KANSL2: variants seen among roughly 807,000 people sequenced by gnomAD.
KANSL2 encodes KAT8 regulatory NSL complex subunit 2.
A neutral mutation model predicts 55.6 loss-of-function variants in KANSL2; 34 were observed. That is an observed-to-expected ratio of 0.61 (90% CI 0.46 to 0.81). The LOEUF is 0.81. Ranked by LOEUF, KANSL2 falls within the 40% of genes least tolerant of loss-of-function variation. The pLI is 0.00. For synonymous variants in KANSL2, 209 were observed against 214.3 expected, an observed-to-expected ratio of 0.98 and a Z score of 0.22; for missense variants, 502 against 609.9, an observed-to-expected ratio of 0.82 and a Z score of 1.86.
Position 48,654,928 on chromosome 12 carries a change from GTTC to G in KANSL2, c.1347+10_1347+12del. On this transcript the variant is annotated intron_variant, in intron 9 of 9. Coordinates refer to ENST00000420613, the MANE Select transcript of KANSL2 (RefSeq NM_017822.4). ...CTACATGAGGGAAACAGGTGGGACT[GTTC>G]TTCACTTGCCAAAATATCCACTGGG... 6.4e-7 allele frequency: 1 copy of G among 1,556,800 alleles called. No homozygotes were observed. Among genetic ancestry groups the G allele is most frequent in the Non-Finnish European group, 8.7e-7 (1 of 1,149,750 alleles).
intron 8 of KANSL2, among the ~76,000 whole-genome samples, chr12:48,656,306 C>T (rs1939380304): frequency 1.3e-5 from 2 of 150,040 alleles, no homozygotes; most frequent in African/African-American, 4.9e-5. Context: ...CAGAGTCTCG[C>T]TCTGTCGCCC....
chr12:48,673,426 GGT>G (rs1198999557), intron 4 of KANSL2, among the ~76,000 whole-genome samples: 3 of 151,970 alleles, frequency 2.0e-5, no homozygotes, highest in Non-Finnish European at 4.4e-5. Flanking sequence ...CAGGTATGGT[GGT>G]GGGCGCCTAT....
chr12:48,682,078 G>A (rs1207397892), intron 1 of KANSL2, 109 bp downstream of exon 1: 1 of 702,916 alleles, frequency 1.4e-6, no homozygotes, highest in Admixed American at 2.0e-5. Context: ...GCAGGAAGGA[G>A]ACTGACTCTG....
rs1939467956 is a variant in KANSL2 at position 48,660,550 on chromosome 12, T to C, written c.1043A>G (p.Lys348Arg). Residue 348 changes from lysine (K) to arginine (R), a missense_variant, in exon 8 of 10, where the codon AAA (lysine) becomes AGA (arginine). Physicochemically the swap from Lys to Arg is conservative, Grantham distance 26 (BLOSUM62 2). Coordinates refer to ENST00000420613, the MANE Select transcript of KANSL2 (RefSeq NM_017822.4). ...CTCAGAGAGGCTTACAGGAACAGGT[T>C]TGTTGCAGGGTACCTCTTCAGATCC... ...CQGSEEVPCN[K>R]PVPVSLSEDP... is the part of the protein sequence containing the mutation. 2 of 1,613,324 alleles carry C rather than the reference T, an allele frequency of 1.2e-6. No homozygotes were observed. The highest frequency in any genetic ancestry group is 1.3e-5 in the African/African-American group (1 of 74,916).
intron 9 of KANSL2, 126 bp downstream of exon 9, chr12:48,654,815 G>A: frequency 2.1e-6 from 2 of 931,348 alleles, no homozygotes; most frequent in Non-Finnish European, 3.2e-6. Context: ...TGAGAGACAT[G>A]TGGAGCATCT....
intron 8 of KANSL2, chr12:48,656,821 C>A (rs767848592): frequency 4.2e-6 from 2 of 470,754 alleles, no homozygotes; most frequent in Non-Finnish European, 8.3e-6. Context: ...AACTAACTTT[C>A]ATGCCACTGC....
chr12:48,655,128 G>A, intron 8 of KANSL2, 68 bp from the exon 9 acceptor site: 1 of 1,496,516 alleles, frequency 6.7e-7, no homozygotes, highest in East Asian at 2.5e-5. Flanking sequence ...ATGTTTTTCA[G>A]CAAACTTTAA....
Position 48,667,730 on chromosome 12 carries a change from G to T in KANSL2, c.936C>A (p.Ser312=), listed in dbSNP as rs945938594. The T allele has an allele frequency of 6.2e-7, 1 of 1,613,780 alleles. No individual in the cohort carries two copies. Among genetic ancestry groups the T allele is most frequent in the African/African-American group, 1.3e-5 (1 of 74,930 alleles). Residue 312 remains serine (S), a synonymous_variant, in exon 7 of 10, where the codon TCC becomes TCA. Coordinates refer to ENST00000420613, the MANE Select transcript of KANSL2 (RefSeq NM_017822.4). The part of the protein sequence containing the change: ...CLAFVDDVRC[S]NQSLPMTRHC... Reference sequence around the variant, plus strand: ...GTCTGGTCATTGGAAGAGACTGATTGGAACAACGAACATCATCCACAAAGG... The same window carrying T: ...GTCTGGTCATTGGAAGAGACTGATTTGAACAACGAACATCATCCACAAAGG...
chr12:48,659,012 C>A (rs12426435), intron 8 of KANSL2, among the ~76,000 whole-genome samples: 2 of 151,986 alleles, frequency 1.3e-5, no homozygotes, highest in Non-Finnish European at 2.9e-5. Flanking sequence ...AACAGTTATA[C>A]GCCAGGAATG....
In KANSL2 at chr12:48,654,014, TCCA is replaced by T; in HGVS notation, c.*27_*29del. 1 of 1,549,114 alleles carries T rather than the reference TCCA, an allele frequency of 6.5e-7. No individual in the cohort carries two copies. The highest frequency in any genetic ancestry group is 8.7e-7 in the Non-Finnish European group (1 of 1,151,600). Reference sequence around the variant, plus strand: ...TTCTTTGAAGAACGAGAAATTTAAATCCACCAAAGTAAAATGGTTCCCCAAACT... The same window carrying T: ...TTCTTTGAAGAACGAGAAATTTAAATCCAAAGTAAAATGGTTCCCCAAACT... On this transcript the variant is annotated 3_prime_UTR_variant, in exon 10 of 10. Coordinates refer to ENST00000420613, the MANE Select transcript of KANSL2 (RefSeq NM_017822.4).
At chr12:48,659,636 TTA>T (rs1466444609) in intron 8 of KANSL2, among the ~76,000 whole-genome samples, 1 of 151,252 alleles carries the variant, frequency 6.6e-6, no homozygotes, top group African/African-American at 2.4e-5. Flanking sequence ...AAAAAAAAAG[TTA>T]TAAAAATGAT....
At position 48,654,029 on chromosome 12, in the gene KANSL2, T is replaced by C. The variant is rs185717669; in HGVS notation, c.*15A>G. On this transcript the variant is annotated 3_prime_UTR_variant, in exon 10 of 10. Coordinates refer to ENST00000420613, the MANE Select transcript of KANSL2 (RefSeq NM_017822.4). ...GAAATTTAAATCCACCAAAGTAAAA[T>C]GGTTCCCCAAACTATCAACTAATAG... is the stretch of plus-strand genomic sequence containing the variant. 4.5e-6 allele frequency: 7 copies of C among 1,562,628 alleles called. No homozygotes were observed. The Admixed American group carries it at 1.5e-4, about 33-fold the overall frequency.
intron 4 of KANSL2, among the ~76,000 whole-genome samples, chr12:48,673,571 A>G (rs990042688): frequency 1.2e-4 from 18 of 151,362 alleles, no homozygotes; most frequent in African/African-American, 3.4e-4. Context: ...AAAAAAGAAA[A>G]AAAAAAAAAA....
At position 48,667,764 on chromosome 12, in the gene KANSL2, C is replaced by T; in HGVS notation, c.902G>A (p.Arg301Lys). ...AACATCATCCACAAAGGCCAAGCAC[C>T]TCTGACTGGAACGAGTGGTATGGGC... ...QQAHTTRSSQ[R>K]CLAFVDDVRC... Residue 301 changes from arginine to lysine, a missense_variant, in exon 7 of 10, where the codon AGG becomes AAG. Physicochemically the swap from Arg to Lys is conservative, Grantham distance 26 (BLOSUM62 2). Coordinates refer to ENST00000420613, the MANE Select transcript of KANSL2 (RefSeq NM_017822.4). 6.2e-7 allele frequency: 1 copy of T among 1,613,748 alleles called. No homozygotes were observed. The highest frequency in any genetic ancestry group is 8.5e-7 in the Non-Finnish European group (1 of 1,179,708).
rs762627177 is a variant in KANSL2, at chr12:48,660,473, C to T, written c.1120G>A (p.Glu374Lys). ...TCGTCTGGCACAGACAGTACCTGCT[C>T]GGGCTTATACATCTGAGGAGGCAAC... ...FQLPPQMYKP[E>K]QVLSVPDDLE... The change falls in exon 8 of 10, where the codon GAG (glutamate) becomes AAG (lysine). Residue 374 changes from glutamate to lysine, a missense_variant. Coordinates refer to ENST00000420613, the MANE Select transcript of KANSL2 (RefSeq NM_017822.4). 6.2e-6 allele frequency: 10 copies of T among 1,613,806 alleles called. No individual in the cohort carries two copies. In the East Asian group the frequency reaches 8.9e-5, roughly 14 times the overall value.
chr12:48,655,921 C>A (rs531197026), intron 8 of KANSL2, among the ~76,000 whole-genome samples: 1 of 152,106 alleles, frequency 6.6e-6, no homozygotes, highest in Non-Finnish European at 1.5e-5. Flanking sequence ...TACACACATA[C>A]ATACATAGGT....
At chr12:48,681,711 C>T (rs942384042) in intron 1 of KANSL2, 70 bp from the exon 2 acceptor site, 1 of 1,597,056 alleles carries the variant, frequency 6.3e-7, no homozygotes, top group Non-Finnish European at 8.6e-7. Flanking sequence ...ACAGATCGCG[C>T]GGACAGTTTC....
At chr12:48,678,155 C>A (rs1939859285) in intron 4 of KANSL2, among the ~76,000 whole-genome samples, 1 of 152,188 alleles carries the variant, frequency 6.6e-6, no homozygotes, top group African/African-American at 2.4e-5. Context: ...CTAGAAATTA[C>A]CCCTTCCACT....
rs754812760 is a variant in KANSL2, at chr12:48,671,770, C to T, written c.709+29G>A. 1.9e-6 allele frequency: 3 copies of T among 1,589,614 alleles called. No homozygotes were observed. The South Asian group carries it at 3.4e-5, about 18-fold the overall frequency. ...CCAAATTCACATGTTAAACCCACAA[C>T]AGCTTGTTGGAACTGGCATAAAACT... On this transcript the variant is annotated intron_variant, in intron 5 of 9. Transcript: ENST00000420613.
Sources: allele counts gnomAD v4.1 joint callset (sites outside exome capture counted in the v4.1 genomes callset), GRCh38; gene constraint gnomAD v4.1.1; transcripts MANE v1.5; gene names NCBI Gene and HGNC (gene_info 2026-07-23, HGNC 2026-07-21).